Variants in FAM107B observed in about 807,000 individuals in gnomAD.
The protein encoded by FAM107B is family with sequence similarity 107 member B, also known as protein FAM107B.
In FAM107B, 21 loss-of-function variants were observed where a neutral mutation model predicts 31.5. That is an observed-to-expected ratio of 0.67 (90% CI 0.47 to 0.96). The LOEUF (loss-of-function observed/expected upper bound fraction) is 0.96, where lower values mean the gene tolerates loss of function less well. FAM107B is among the 40% of genes least tolerant of loss of function. The probability of loss-of-function intolerance (pLI) is 0.00; values close to 1 mark genes in which losing one functional copy is unlikely to be tolerated. For synonymous variants in FAM107B, 157 were observed against 141.5 expected, an observed-to-expected ratio of 1.11 and a Z score of -0.78; for missense variants, 452 against 377.1, an observed-to-expected ratio of 1.20 and a Z score of -1.64.
chr10:14,758,870 T>A (rs1588760326), intron 1 of FAM107B, among the ~76,000 whole-genome samples: 1 of 63,730 alleles, frequency 1.6e-5, no homozygotes, highest in East Asian at 4.8e-4. Context: ...CAAGACCCTC[T>A]CAGAAAAAAA....
chr10:14,715,512 A>G (rs930758646), intron 1 of FAM107B, among the ~76,000 whole-genome samples: 2 of 152,232 alleles, frequency 1.3e-5, no homozygotes, highest in Non-Finnish European at 2.9e-5. Context: ...CAAGTTGACT[A>G]GGCTAAGAGA....
chr10:14,622,308 AT>A (rs35444318), intron 2 of FAM107B, among the ~76,000 whole-genome samples: 1,696 of 136,450 alleles, frequency 0.012, 40 homozygotes, highest in African/African-American at 0.037. Flanking sequence ...AGTATGAGAG[AT>A]TTTTTTTTTT....
chr10:14,666,456 A>G (rs561864975), intron 2 of FAM107B, among the ~76,000 whole-genome samples: 7 of 152,264 alleles, frequency 4.6e-5, no homozygotes, highest in Admixed American at 4.6e-4. Flanking sequence ...CCCATGATTA[A>G]ATTACCTCCT....
intron 1 of FAM107B, among the ~76,000 whole-genome samples, chr10:14,768,115 T>C (rs1031884774): frequency 4.6e-5 from 7 of 152,122 alleles, no homozygotes; most frequent in African/African-American, 7.2e-5. Context: ...GAAGTGCACA[T>C]TGAAAACTTC....
chr10:14,570,693 T>C (rs938239287), intron 2 of FAM107B, among the ~76,000 whole-genome samples: 3 of 152,090 alleles, frequency 2.0e-5, no homozygotes, highest in African/African-American at 7.2e-5. Context: ...TCCCAGCTAC[T>C]TGGGAGGCTG....
chr10:14,658,903 T>C (rs570381849), intron 2 of FAM107B, among the ~76,000 whole-genome samples: 1 of 152,304 alleles, frequency 6.6e-6, no homozygotes, highest in African/African-American at 2.4e-5. Flanking sequence ...GTGAATTATA[T>C]AATGTGTGGA....
intron 1 of FAM107B, among the ~76,000 whole-genome samples, chr10:14,739,068 G>T (rs1459262313): frequency 1.3e-5 from 2 of 152,110 alleles, no homozygotes; most frequent in African/African-American, 4.8e-5. Flanking sequence ...GTGGTCTCAG[G>T]ATATTCATAC....
chr10:14,587,771 C>T (rs1411801431), intron 2 of FAM107B, among the ~76,000 whole-genome samples: 1 of 152,136 alleles, frequency 6.6e-6, no homozygotes, highest in African/African-American at 2.4e-5. Context: ...ACACTGTGCT[C>T]AATTCGAAGC....
At chr10:14,720,346 C>T (rs1486879788) in intron 1 of FAM107B, among the ~76,000 whole-genome samples, 2 of 152,276 alleles carry the variant, frequency 1.3e-5, no homozygotes, top group African/African-American at 2.4e-5. Context: ...CTCCGCCTCC[C>T]GTGTTCAAGT....
chr10:14,664,017 C>T (rs1406824233), intron 2 of FAM107B, among the ~76,000 whole-genome samples: 1 of 151,346 alleles, frequency 6.6e-6, no homozygotes, highest in Non-Finnish European at 1.5e-5. Flanking sequence ...AAATGAATTT[C>T]ATCTCTGTCC....
At chr10:14,722,883 A>G (rs1855945144) in intron 1 of FAM107B, among the ~76,000 whole-genome samples, 1 of 152,124 alleles carries the variant, frequency 6.6e-6, no homozygotes, top group African/African-American at 2.4e-5. Context: ...CTCAGAAACC[A>G]TTGCCTAATC....
chr10:14,565,119 A>C (rs1850550909), intron 2 of FAM107B, among the ~76,000 whole-genome samples: 1 of 152,242 alleles, frequency 6.6e-6, no homozygotes, highest in African/African-American at 2.4e-5. Context: ...TCATTAAAAC[A>C]CGTATTTATT....
At chr10:14,682,867 G>A (rs1854872046) in intron 1 of FAM107B, among the ~76,000 whole-genome samples, 1 of 151,628 alleles carries the variant, frequency 6.6e-6, no homozygotes, top group Non-Finnish European at 1.5e-5. Context: ...TTCTGCACAT[G>A]TACCCCATAA....
chr10:14,727,902 T>TA lies in FAM107B; in HGVS notation c.411+46350dup, dbSNP rs555746898. On this transcript the variant is annotated intron_variant, in intron 1 of 4. Coordinates refer to ENST00000181796, the MANE Select transcript of FAM107B (RefSeq NM_031453.4). The stretch of plus-strand genomic sequence containing the variant: ...AAGTTCTGTGTAGATGGAAAAAAGA[T>TA]AAAAAATACCTCTCAACAGCAAACT... Among the ~76,000 whole-genome samples the TA allele has an allele frequency of 7.0e-4, 106 of 151,806 alleles. No individual in the cohort carries two copies. The East Asian group carries it at 0.017, about 24-fold the overall frequency.
chr10:14,601,552 T>A (rs1588650050), intron 2 of FAM107B, among the ~76,000 whole-genome samples: 1 of 151,992 alleles, frequency 6.6e-6, no homozygotes, highest in Admixed American at 6.6e-5. Flanking sequence ...ACAGAGGACA[T>A]CCCACTCCAC....
At chr10:14,569,052 A>C (rs1487687603) in intron 2 of FAM107B, among the ~76,000 whole-genome samples, 5 of 152,226 alleles carry the variant, frequency 3.3e-5, no homozygotes, top group Non-Finnish European at 7.3e-5. Flanking sequence ...TCTGAGCTAC[A>C]GAATGAATTT....
chr10:14,630,278 TAAA>T (rs10525721), intron 2 of FAM107B, among the ~76,000 whole-genome samples: 21 of 134,558 alleles, frequency 1.6e-4, no homozygotes, highest in Admixed American at 1.5e-4. Flanking sequence ...CTACTGATGC[TAAA>T]AAAAAAAAAA....
intron 1 of FAM107B, among the ~76,000 whole-genome samples, chr10:14,687,846 T>C (rs1855027071): frequency 6.6e-6 from 1 of 152,114 alleles, no homozygotes; most frequent in Non-Finnish European, 1.5e-5. Context: ...CACACACACA[T>C]ACGTGCACAC....
intron 1 of FAM107B, among the ~76,000 whole-genome samples, chr10:14,678,076 G>A (rs1231948790): frequency 1.3e-5 from 2 of 152,216 alleles, no homozygotes; most frequent in Non-Finnish European, 2.9e-5. Flanking sequence ...GGCCACAGAA[G>A]CGAGTAAGTG....
Sources: allele counts gnomAD v4.1 joint callset (sites outside exome capture counted in the v4.1 genomes callset), GRCh38; gene constraint gnomAD v4.1.1; transcripts MANE v1.5; gene names NCBI Gene and HGNC (gene_info 2026-07-23, HGNC 2026-07-21).